ITGB3: variants seen among roughly 807,000 people sequenced by gnomAD.
ITGB3 encodes the protein integrin beta-3.
In ITGB3, 48 loss-of-function variants were observed where a neutral mutation model predicts 85.8. The observed-to-expected ratio is 0.56, with a 90% CI of 0.44 to 0.71. The LOEUF (loss-of-function observed/expected upper bound fraction) is 0.71. ITGB3 is among the 30% of genes least tolerant of loss of function. The pLI, the probability that ITGB3 is intolerant of heterozygous loss-of-function variation, is 0.00. For missense variants in ITGB3, 861 were observed against 1,019.1 expected (o/e 0.84, Z 2.11); for synonymous variants, 363 against 395.6 (o/e 0.92, Z 0.98).
Position 47,302,843 on chromosome 17 carries a change from G to A in ITGB3, c.2134+3G>A. 1.9e-6 allele frequency: 3 copies of A among 1,614,162 alleles called. No homozygotes were observed. The South Asian group carries it at 3.3e-5, about 18-fold the overall frequency. ...CCTGTATGTGGTAGAAGAGCCAGGT[G>A]AGTGAACCCTGACGGCTCCCGGCCC... On this transcript the variant is annotated splice_donor_region_variant and intron_variant, in intron 13 of 14. Coordinates refer to ENST00000559488, the MANE Select transcript of ITGB3 (RefSeq NM_000212.3).
chr17:47,284,852 G>A (rs1444639522), intron 4 of ITGB3, among the ~76,000 whole-genome samples, 157 bp downstream of exon 4: 1 of 152,188 alleles, frequency 6.6e-6, no homozygotes, highest in East Asian at 1.9e-4. Flanking sequence ...AAATGGGCTA[G>A]CTTGTGGATC....
chr17:47,298,528 G>T (rs1261939730), intron 10 of ITGB3, among the ~76,000 whole-genome samples: 1 of 152,086 alleles, frequency 6.6e-6, no homozygotes, highest in East Asian at 1.9e-4. Context: ...TCTGCATTTG[G>T]AATAACCCCA....
chr17:47,273,723 A>G (rs2065053297), intron 1 of ITGB3, among the ~76,000 whole-genome samples: 1 of 152,262 alleles, frequency 6.6e-6, no homozygotes, highest in Non-Finnish European at 1.5e-5. Context: ...TGAAGTAGTT[A>G]GCAGGAAGAA....
At chr17:47,257,070 C>T (rs927317142) in intron 1 of ITGB3, among the ~76,000 whole-genome samples, 4 of 152,176 alleles carry the variant, frequency 2.6e-5, no homozygotes, top group Non-Finnish European at 4.4e-5. Flanking sequence ...GGAAACAATG[C>T]CTATGATTAT....
At chr17:47,262,245 C>T (rs1360491791) in intron 1 of ITGB3, among the ~76,000 whole-genome samples, 1 of 152,212 alleles carries the variant, frequency 6.6e-6, no homozygotes, top group Non-Finnish European at 1.5e-5. Flanking sequence ...ACCCATAACA[C>T]ATGAGCTGGG....
intron 10 of ITGB3, among the ~76,000 whole-genome samples, chr17:47,298,616 T>G (rs975530982): frequency 1.3e-5 from 2 of 152,212 alleles, no homozygotes; most frequent in Non-Finnish European, 2.9e-5. Flanking sequence ...GAGCCCTGCT[T>G]CTCATCCTGC....
intron 1 of ITGB3, among the ~76,000 whole-genome samples, chr17:47,261,417 G>A (rs181502462): frequency 6.2e-4 from 94 of 151,670 alleles, no homozygotes; most frequent in East Asian, 1.7e-3. Flanking sequence ...AACCACTGTT[G>A]ATAGTTACTG....
chr17:47,284,656 A>T lies in ITGB3; in HGVS notation c.575A>T (p.Tyr192Phe). 6.2e-7 allele frequency: 1 copy of T among 1,614,128 alleles called. No homozygotes were observed. The change falls in exon 4 of 15, where the codon TAT becomes TTT. Residue 192 changes from tyrosine to phenylalanine, a missense_variant. Physicochemically the swap from Tyr to Phe is conservative, Grantham distance 22. Coordinates refer to ENST00000559488, the MANE Select transcript of ITGB3 (RefSeq NM_000212.3). ...FVDKPVSPYM[Y>F]ISPPEALENP... ...GACAAGCCTGTGTCACCATACATGT[A>T]TATCTCCCCACCAGAGGCCCTCGAA...
Position 47,307,477 on chromosome 17 carries a change from C to T in ITGB3, c.2141C>T (p.Pro714Leu). The T allele has an allele frequency of 6.2e-7, 1 of 1,614,008 alleles. No individual in the cohort carries two copies. The highest frequency in any genetic ancestry group is 8.5e-7 in the Non-Finnish European group (1 of 1,180,036). Residue 714 changes from proline to leucine, a missense_variant, in exon 14 of 15, where the codon CCC becomes CTC. By Grantham distance (98) the Pro-to-Leu change is moderately conservative. Transcript: ENST00000559488. ...ILYVVEEPECPKGPDILVVLL... is the reference protein window; with the variant it reads ...ILYVVEEPECLKGPDILVVLL... Reference sequence around the variant, plus strand: ...CTGTGCTTCTTCCTCACAGAGTGTCCCAAGGGCCCTGACATCCTGGTGGTC... The same window carrying T: ...CTGTGCTTCTTCCTCACAGAGTGTCTCAAGGGCCCTGACATCCTGGTGGTC...
intron 12 of ITGB3, among the ~76,000 whole-genome samples, chr17:47,301,047 C>T (rs751857104): frequency 2.6e-5 from 4 of 152,216 alleles, no homozygotes; most frequent in Non-Finnish European, 4.4e-5. Flanking sequence ...GGGAAACCTT[C>T]AACCTTATGG....
At chr17:47,254,389 T>C (rs1567757189) in intron 1 of ITGB3, among the ~76,000 whole-genome samples, 2 of 152,154 alleles carry the variant, frequency 1.3e-5, no homozygotes, top group African/African-American at 2.4e-5. Flanking sequence ...GGTGAGAGCG[T>C]GCGCGCGCGC....
chr17:47,293,666 T>C (rs1396291923), intron 10 of ITGB3, among the ~76,000 whole-genome samples: 1 of 151,926 alleles, frequency 6.6e-6, no homozygotes. Flanking sequence ...TGGAGTGCAG[T>C]GGTGCGATAT....
chr17:47,290,392 C>A, intron 8 of ITGB3, 118 bp downstream of exon 8: 1 of 864,242 alleles, frequency 1.2e-6, no homozygotes, highest in South Asian at 1.3e-5. Context: ...ACTGCCTTCT[C>A]CGTGTGCTCC....
intron 6 of ITGB3, among the ~76,000 whole-genome samples, chr17:47,288,036 C>T (rs2065109964): frequency 6.8e-6 from 1 of 147,110 alleles, no homozygotes; most frequent in Non-Finnish European, 1.5e-5. Context: ...ATAGCTGGGA[C>T]CACAGGCATG....
Position 47,313,320 on chromosome 17 carries a change from T to C in ITGB3, c.*3116T>C, listed in dbSNP as rs2065223325. Among the ~76,000 whole-genome samples the C allele has an allele frequency of 6.6e-6, 1 of 151,326 alleles. No individual in the cohort carries two copies. The highest frequency in any genetic ancestry group is 3.4e-3 in the Middle Eastern group (1 of 292). ...GGTCCAAAGGCCTCTTTTTCTTTGT[T>C]AAGTATTCCTGGTTGAAATTTCTTT... On this transcript the variant is annotated 3_prime_UTR_variant, in exon 15 of 15. Coordinates refer to ENST00000559488, the MANE Select transcript of ITGB3 (RefSeq NM_000212.3).
At chr17:47,307,749 CCT>C (rs2065194702) in intron 14 of ITGB3, 112 bp downstream of exon 14, 1 of 1,053,952 alleles carries the variant, frequency 9.5e-7, no homozygotes, top group Non-Finnish European at 1.4e-6. Flanking sequence ...TTTCCATTAT[CCT>C]CTGTTCTGGA....
chr17:47,296,144 G>A (rs1036728756), intron 10 of ITGB3, among the ~76,000 whole-genome samples: 3 of 152,116 alleles, frequency 2.0e-5, no homozygotes, highest in African/African-American at 7.2e-5. Context: ...CCTAGCCTCG[G>A]GACACAGCCT....
intron 1 of ITGB3, among the ~76,000 whole-genome samples, chr17:47,259,631 G>A (rs1234317811): frequency 6.6e-6 from 1 of 152,172 alleles, no homozygotes; most frequent in African/African-American, 2.4e-5. Context: ...TGGGCGCGGT[G>A]GCTCATGCCT....
At chr17:47,302,304 T>C (rs1341196311) in intron 12 of ITGB3, among the ~76,000 whole-genome samples, 1 of 152,096 alleles carries the variant, frequency 6.6e-6, no homozygotes, top group African/African-American at 2.4e-5. Context: ...ACCTACTATA[T>C]GTTAGGCACT....
Sources: gnomAD v4.1 joint callset for allele counts (sites outside exome capture counted in the v4.1 genomes callset) on GRCh38, gnomAD v4.1.1 for gene constraint, MANE v1.5 for transcripts, NCBI Gene and HGNC (gene_info 2026-07-23, HGNC 2026-07-21) for gene names.